The following DLGAP2 variants were observed in gnomAD, a reference collection of about 807,000 sequenced individuals.
DLGAP2 encodes DLG associated protein 2, also known as disks large-associated protein 2.
In DLGAP2, 26 loss-of-function variants were observed where a neutral mutation model predicts 100.3. The ratio of observed to expected loss-of-function variants is 0.26; its 90% CI spans 0.19 to 0.36. The LOEUF (loss-of-function observed/expected upper bound fraction) is 0.36, where lower values mean the gene tolerates loss of function less well. DLGAP2 is among the 10% of genes least tolerant of loss of function. The probability of loss-of-function intolerance (pLI) is 1.00; values close to 1 mark genes in which losing one functional copy is unlikely to be tolerated. For missense variants in DLGAP2, 1,858 were observed against 1,453.2 expected, an observed-to-expected ratio of 1.28 and a Z score of -4.53; for synonymous variants, 886 against 630.1, an observed-to-expected ratio of 1.41 and a Z score of -6.08.
At chr8:834,335 T>G (rs1252199142) in intron 1 of DLGAP2, among the ~76,000 whole-genome samples, 1 of 152,184 alleles carries the variant, frequency 6.6e-6, no homozygotes, top group Non-Finnish European at 1.5e-5. Flanking sequence ...TGGCAAAATA[T>G]GAGCCAGACA....
chr8:1,269,542 G>C (rs571348761), intron 3 of DLGAP2, among the ~76,000 whole-genome samples: 1 of 152,156 alleles, frequency 6.6e-6, no homozygotes, highest in Non-Finnish European at 1.5e-5. Flanking sequence ...CTGAAACCCC[G>C]TATTATTGTG....
chr8:1,201,465 C>T (rs1371902600), intron 2 of DLGAP2, among the ~76,000 whole-genome samples: 1 of 152,194 alleles, frequency 6.6e-6, no homozygotes, highest in Non-Finnish European at 1.5e-5. Flanking sequence ...GAGGAAGATT[C>T]TCCAGAGCCT....
intron 2 of DLGAP2, among the ~76,000 whole-genome samples, chr8:1,199,936 T>TCC (rs1400124182): frequency 7.8e-6 from 1 of 128,972 alleles, no homozygotes; most frequent in South Asian, 2.6e-4. Flanking sequence ...GGTGGAAGGA[T>TCC]TCCCCCCCAC....
intron 3 of DLGAP2, among the ~76,000 whole-genome samples, chr8:1,302,765 G>A (rs1007493917): frequency 6.6e-6 from 1 of 152,254 alleles, no homozygotes. Context: ...GCCCCGCCTG[G>A]GGACCATGGA....
At chr8:1,623,093 C>T (rs1360660039) in intron 6 of DLGAP2, among the ~76,000 whole-genome samples, 1 of 152,190 alleles carries the variant, frequency 6.6e-6, no homozygotes, top group Non-Finnish European at 1.5e-5. Flanking sequence ...GCCTCTTAAG[C>T]CAAATGAGGC....
intron 6 of DLGAP2, among the ~76,000 whole-genome samples, chr8:1,581,875 A>G (rs1395040612): frequency 6.6e-6 from 1 of 151,394 alleles, no homozygotes; most frequent in Non-Finnish European, 1.5e-5. Flanking sequence ...TATACACACC[A>G]TAGTCAAACT....
chr8:908,046 T>A, intron 2 of DLGAP2, 80 bp downstream of exon 2: 1 of 398,304 alleles, frequency 2.5e-6, no homozygotes, highest in Non-Finnish European at 4.4e-6. Context: ...TTACCTAATT[T>A]AGATATTTTG....
intron 3 of DLGAP2, chr8:1,259,511 G>A (rs145488641): frequency 6.6e-6 from 1 of 152,298 alleles, no homozygotes; most frequent in East Asian, 1.9e-4. Context: ...CCCTATTAGC[G>A]GGGACTCTGA....
intron 2 of DLGAP2, among the ~76,000 whole-genome samples, chr8:953,150 C>T (rs929461304): frequency 6.6e-6 from 1 of 152,160 alleles, no homozygotes. Context: ...CTTCCTGGCT[C>T]ATGGTGTTAA....
At position 1,240,668 on chromosome 8, in the gene DLGAP2, G is replaced by C. The variant is rs865854998; in HGVS notation, c.74-18183G>C. ...TCTCTCACACAGAGCATCGTGTCTG[G>C]TTCTCTCACATGGCGCCATGTCTGG... On this transcript the variant is annotated intron_variant, in intron 2 of 14. Coordinates refer to ENST00000637795, the MANE Select transcript of DLGAP2 (RefSeq NM_001346810.2). Among the ~76,000 whole-genome samples, 157 of 149,296 alleles carry C rather than the reference G, an allele frequency of 1.1e-3. 1 individual carries two copies. Among genetic ancestry groups the C allele is most frequent in the African/African-American group, 3.7e-3 (150 of 40,426 alleles).
chr8:1,630,252 A>G (rs986447156), intron 7 of DLGAP2, among the ~76,000 whole-genome samples: 6 of 152,216 alleles, frequency 3.9e-5, no homozygotes, highest in African/African-American at 1.4e-4. Flanking sequence ...CCCAGAAACA[A>G]ACTTCCACTA....
chr8:818,585 G>C (rs937341525), intron 1 of DLGAP2, among the ~76,000 whole-genome samples: 1 of 152,150 alleles, frequency 6.6e-6, no homozygotes, highest in Non-Finnish European at 1.5e-5. Context: ...AGTTAATGAC[G>C]TGAGTCTCTA....
At chr8:738,566 C>T (rs1220190489) in intron 1 of DLGAP2, 2 of 152,240 alleles carry the variant, frequency 1.3e-5, no homozygotes, top group African/African-American at 4.8e-5. Flanking sequence ...CTGTCTCCGG[C>T]TCCTTCGCTA....
At chr8:1,686,693 C>T (rs751812204) in intron 12 of DLGAP2, among the ~76,000 whole-genome samples, 4 of 151,756 alleles carry the variant, frequency 2.6e-5, no homozygotes, top group Non-Finnish European at 4.4e-5. Flanking sequence ...AAGCAGAGCT[C>T]ATGAAGGTGG....
intron 2 of DLGAP2, among the ~76,000 whole-genome samples, chr8:982,793 CA>C (rs1800373215): frequency 6.6e-6 from 1 of 152,000 alleles, no homozygotes; most frequent in African/African-American, 2.4e-5. Context: ...CTTTCTAGTC[CA>C]CAGTTGGTCC....
At chr8:1,108,948 C>T (rs1377157102) in intron 2 of DLGAP2, among the ~76,000 whole-genome samples, 38 of 91,850 alleles carry the variant, frequency 4.1e-4, no homozygotes, top group South Asian at 1.6e-3. Flanking sequence ...AGGTCTGTGA[C>T]GTGCTGGGTC....
At chr8:1,007,559 A>G (rs1801154883) in intron 2 of DLGAP2, among the ~76,000 whole-genome samples, 1 of 149,714 alleles carries the variant, frequency 6.7e-6, no homozygotes, top group African/African-American at 2.5e-5. Context: ...ATGTGGCCAT[A>G]GTCTGGCATG....
intron 5 of DLGAP2, among the ~76,000 whole-genome samples, chr8:1,564,680 G>A (rs1045893214): frequency 6.6e-6 from 1 of 152,214 alleles, no homozygotes; most frequent in Admixed American, 6.5e-5. Context: ...ATACGCACGG[G>A]TGCTGAGTTC....
In DLGAP2 at chr8:1,275,771, T is replaced by TA. The variant is rs1373214713; in HGVS notation, c.106+16888_106+16889insA. 1.2e-3 allele frequency among the ~76,000 whole-genome samples: 159 copies of TA among 127,870 alleles called. 2 individuals are homozygous for TA. In the South Asian group the frequency reaches 0.025, roughly 20 times the overall value. 83.9% of individuals were successfully genotyped at this position (127,870 alleles called of 152,430 possible). A position where few individuals can be genotyped will look rare whatever the true frequency, so the allele number is the denominator to read the frequency against. ...ATAAATAAATATATAAAAATATATA[T>TA]TATATATAAAAATATATAATATATA... On this transcript the variant is annotated intron_variant, in intron 3 of 14. Transcript: ENST00000637795.
Sources: gnomAD v4.1 joint callset for allele counts (sites outside exome capture counted in the v4.1 genomes callset) on GRCh38, gnomAD v4.1.1 for gene constraint, MANE v1.5 for transcripts, NCBI Gene and HGNC (gene_info 2026-07-23, HGNC 2026-07-21) for gene names.